The following SLC7A8 variants were observed in gnomAD, a reference collection of about 807,000 sequenced individuals.
The protein encoded by SLC7A8 is large neutral amino acids transporter small subunit 2.
A neutral mutation model predicts 51.2 loss-of-function variants in SLC7A8; 30 were observed. The ratio of observed to expected loss-of-function variants is 0.59; its 90% CI spans 0.44 to 0.80. SLC7A8 has a LOEUF of 0.80. Ranked by LOEUF, SLC7A8 falls within the 30% of genes least tolerant of loss-of-function variation. The pLI, the probability that SLC7A8 is intolerant of heterozygous loss-of-function variation, is 0.00. For synonymous variants in SLC7A8, 257 were observed against 275.8 expected, an observed-to-expected ratio of 0.93 and a Z score of 0.67; for missense variants, 612 against 674.4, an observed-to-expected ratio of 0.91 and a Z score of 1.03.
chr14:23,159,527 C>G (rs886177053), intron 3 of SLC7A8, among the ~76,000 whole-genome samples: 16 of 152,140 alleles, frequency 1.1e-4, no homozygotes, highest in African/African-American at 3.9e-4. Context: ...GCCCAGGTAT[C>G]TGAAGGAAAA....
chr14:23,179,857 CCATAA>C (rs998548174), intron 1 of SLC7A8, among the ~76,000 whole-genome samples: 2 of 151,628 alleles, frequency 1.3e-5, no homozygotes, highest in Non-Finnish European at 2.9e-5. Context: ...TTCTACTTTT[CCATAA>C]CATGTCTCCT....
intron 3 of SLC7A8, among the ~76,000 whole-genome samples, chr14:23,144,375 A>T (rs949391425): frequency 1.6e-5 from 2 of 128,556 alleles, no homozygotes; most frequent in African/African-American, 5.9e-5. Context: ...GCTAATAGGC[A>T]TGTAGTTGTA....
rs2048566765 is a variant in SLC7A8, at chr14:23,125,416, A to C, written c.*1761T>G. On this transcript the variant is annotated 3_prime_UTR_variant, in exon 11 of 11. Transcript: ENST00000316902. ...AGGTTCTAACTCCATCCCCCAAAAC[A>C]ACCTTACATTAAAAAAAATCCAAAA... 1 of 152,580 alleles carries C rather than the reference A, an allele frequency of 6.6e-6. No individual in the cohort carries two copies. Among genetic ancestry groups the C allele is most frequent in the African/African-American group, 2.4e-5 (1 of 41,464 alleles). The allele number at this position is 152,580 out of a possible 1,614,324, so 9.5% of individuals were successfully genotyped here. A position where few individuals can be genotyped will look rare whatever the true frequency, so the allele number is the denominator to read the frequency against.
At chr14:23,180,171 G>A (rs1877109659) in intron 1 of SLC7A8, among the ~76,000 whole-genome samples, 1 of 152,200 alleles carries the variant, frequency 6.6e-6, no homozygotes. Context: ...CTCCCAAAGT[G>A]CTGGGATTAC....
At chr14:23,173,774 G>A (rs1350543009) in intron 1 of SLC7A8, among the ~76,000 whole-genome samples, 2 of 151,308 alleles carry the variant, frequency 1.3e-5, no homozygotes, top group African/African-American at 4.9e-5. Flanking sequence ...CCCTAGTGCT[G>A]GGACCACAGG....
In SLC7A8 at chr14:23,129,751, TGA is replaced by T. The variant is rs770879454; in HGVS notation, c.1160_1161del (p.Leu387HisfsTer28). On this transcript the variant is annotated frameshift_variant, in exon 9 of 11. Coordinates refer to ENST00000316902, the MANE Select transcript of SLC7A8 (RefSeq NM_012244.4). LOFTEE classifies it high-confidence loss of function. Reference protein sequence around the residue: ...LMLVTSDMYTLINYVGFINYL... With the variant: ...LMLVTSDMYTXINYVGFINYL... ...TAGTTGATGAAGCCCACATAGTTGA[TGA>T]GTGTGTACATGTCGCTGGTGACCAG... 1 of 1,614,178 alleles carries T rather than the reference TGA, an allele frequency of 6.2e-7. No individual in the cohort carries two copies. Among genetic ancestry groups the T allele is most frequent in the East Asian group, 2.2e-5 (1 of 44,884 alleles).
intron 1 of SLC7A8, among the ~76,000 whole-genome samples, chr14:23,170,169 G>C (rs191877176): frequency 4.6e-5 from 7 of 152,332 alleles, no homozygotes; most frequent in Non-Finnish European, 8.8e-5. Flanking sequence ...CTGAGGCTCA[G>C]AGAGGTGAAG....
intron 1 of SLC7A8, among the ~76,000 whole-genome samples, chr14:23,178,059 C>G (rs1402097599): frequency 2.6e-5 from 4 of 152,208 alleles, no homozygotes; most frequent in Non-Finnish European, 5.9e-5. Context: ...TGACCTTCAG[C>G]AAAGTTGCTT....
At chr14:23,139,399 A>C (rs1316090164) in intron 6 of SLC7A8, 25 bp downstream of exon 6, 1 of 1,613,612 alleles carries the variant, frequency 6.2e-7, no homozygotes, top group African/African-American at 1.3e-5. Context: ...TCCTGGTATG[A>C]GACTCTGGGA....
intron 3 of SLC7A8, among the ~76,000 whole-genome samples, chr14:23,149,813 G>A (rs1437251915): frequency 6.6e-6 from 1 of 152,194 alleles, no homozygotes; most frequent in African/African-American, 2.4e-5. Flanking sequence ...AAGATTATAA[G>A]ACCATATTTT....
In SLC7A8 at chr14:23,154,998, C is replaced by CAAAAAAAAAA. The variant is rs33973055; in HGVS notation, c.508+10277_508+10286dup. Among the ~76,000 whole-genome samples the CAAAAAAAAAA allele has an allele frequency of 1.3e-3, 118 of 89,206 alleles. 1 individual carries two copies. The highest frequency in any genetic ancestry group is 3.7e-3 in the East Asian group (10 of 2,688). The allele number at this position is 89,206 out of a possible 152,430, so 58.5% of individuals were successfully genotyped here. The stretch of plus-strand genomic sequence containing the variant: ...AACCCACAAAAAGCCACACAACAGA[C>CAAAAAAAAAA]AAAAAAAAAAAAAAAAAAAAATCAA... On this transcript the variant is annotated intron_variant, in intron 3 of 10. Transcript: ENST00000316902.
chr14:23,154,618 G>A (rs1998055), intron 3 of SLC7A8, among the ~76,000 whole-genome samples: 2 of 152,122 alleles, frequency 1.3e-5, no homozygotes, highest in Non-Finnish European at 2.9e-5. Flanking sequence ...AAAAGGCGCT[G>A]ATAGGCAAAG....
rs369982619 is a variant in SLC7A8 at position 23,131,548 on chromosome 14, G to A, written c.1026C>T (p.Phe342=). 4.3e-5 allele frequency: 69 copies of A among 1,603,716 alleles called. No individual in the cohort carries two copies. The highest frequency in any genetic ancestry group is 4.2e-4 in the African/African-American group (31 of 74,636). Residue 342 remains phenylalanine, a synonymous_variant, in exon 8 of 11, where the codon TTC becomes TTT. Transcript: ENST00000316902. ...GSLFTSSRLF[F]AGAREGHLPS... Reference sequence around the variant, plus strand: ...GAAGGTGGCCCTCTCGGGCTCCAGCGAAGAACAGCCTGTCAGGGAGAAAAG... The same window carrying A: ...GAAGGTGGCCCTCTCGGGCTCCAGCAAAGAACAGCCTGTCAGGGAGAAAAG...
chr14:23,174,935 T>C (rs536731493), intron 1 of SLC7A8, among the ~76,000 whole-genome samples: 2 of 152,298 alleles, frequency 1.3e-5, no homozygotes, highest in South Asian at 4.1e-4. Flanking sequence ...ACTCCTGGGA[T>C]CATTTGCATG....
intron 7 of SLC7A8, among the ~76,000 whole-genome samples, chr14:23,134,987 G>A (rs2048675243): frequency 6.6e-6 from 1 of 152,030 alleles, no homozygotes; most frequent in African/African-American, 2.4e-5. Context: ...GGCTGGTCTG[G>A]AACTACTGGG....
At chr14:23,175,192 G>T (rs1218918296) in intron 1 of SLC7A8, among the ~76,000 whole-genome samples, 8 of 151,974 alleles carry the variant, frequency 5.3e-5, no homozygotes, top group Admixed American at 1.3e-4. Flanking sequence ...AAGGTTATTT[G>T]GTTTGGGTAC....
intron 3 of SLC7A8, among the ~76,000 whole-genome samples, chr14:23,152,424 GT>G (rs1179625713): frequency 1.3e-5 from 2 of 150,068 alleles, no homozygotes; most frequent in Non-Finnish European, 3.0e-5. Context: ...AGCCACCAAT[GT>G]TTTCTTTTTT....
At chr14:23,152,512 C>A (rs1384807180) in intron 3 of SLC7A8, among the ~76,000 whole-genome samples, 1 of 151,736 alleles carries the variant, frequency 6.6e-6, no homozygotes, top group Non-Finnish European at 1.5e-5. Context: ...CTCAACCTCC[C>A]CAGACTCAGG....
In SLC7A8 at chr14:23,147,295, T is replaced by C. The variant is rs545164509; in HGVS notation, c.509-4091A>G. Reference sequence around the variant, plus strand: ...ATGCAGGGCCTACATGTACTAGGCATTCTAGCTGGTGGGGAGGTTATTGAT... The same window carrying C: ...ATGCAGGGCCTACATGTACTAGGCACTCTAGCTGGTGGGGAGGTTATTGAT... On this transcript the variant is annotated intron_variant, in intron 3 of 10. Coordinates refer to ENST00000316902, the MANE Select transcript of SLC7A8 (RefSeq NM_012244.4). Among the ~76,000 whole-genome samples, 38 of 152,304 alleles carry C rather than the reference T, an allele frequency of 2.5e-4. No homozygotes were observed. In the South Asian group the frequency reaches 7.7e-3, roughly 31 times the overall value.
Sources: allele counts gnomAD v4.1 joint callset (sites outside exome capture counted in the v4.1 genomes callset), GRCh38; gene constraint gnomAD v4.1.1; transcripts MANE v1.5; gene names NCBI Gene and HGNC (gene_info 2026-07-23, HGNC 2026-07-21).